KIRREL3: variants seen among roughly 807,000 people sequenced by gnomAD.
The protein encoded by KIRREL3 is kin of IRRE-like protein 3.
In KIRREL3, 36 loss-of-function variants were observed where a neutral mutation model predicts 89.7. The ratio of observed to expected loss-of-function variants is 0.40; its 90% CI spans 0.31 to 0.53. KIRREL3 has a LOEUF of 0.53. KIRREL3 is among the 20% of genes least tolerant of loss of function. KIRREL3 has a pLI of 0.49. For synonymous variants in KIRREL3, 445 were observed against 441.4 expected (o/e 1.01, Z -0.10); for missense variants, 864 against 1,056.6 (o/e 0.82, Z 2.53).
At chr11:126,947,372 A>T (rs150978291) in intron 1 of KIRREL3, among the ~76,000 whole-genome samples, 1 of 152,292 alleles carries the variant, frequency 6.6e-6, no homozygotes, top group African/African-American at 2.4e-5. Flanking sequence ...GATTCCAGAG[A>T]AGCAAACTGT....
chr11:126,934,275 C>T (rs1296029745), intron 1 of KIRREL3, among the ~76,000 whole-genome samples: 1 of 152,130 alleles, frequency 6.6e-6, no homozygotes, highest in Non-Finnish European at 1.5e-5. Flanking sequence ...AAAATATGAA[C>T]TTAGACCCTG....
rs1032177805 is a variant in KIRREL3, at chr11:126,897,491, C to T, written c.55+102964G>A. ...TGGACCTTTGTCACTCACCTGTCAA[C>T]CCCATCTAACACCACCCCCAAAAGG... is the stretch of plus-strand genomic sequence containing the variant. On this transcript the variant is annotated intron_variant, in intron 1 of 16. Transcript: ENST00000525144. This position sits in a 1 kb window ranked among gnomAD's most constrained non-coding sequence, Gnocchi z 4.2. Among the ~76,000 whole-genome samples the T allele has an allele frequency of 1.3e-5, 2 of 152,170 alleles. No individual in the cohort carries two copies. The highest frequency in any genetic ancestry group is 2.4e-5 in the African/African-American group (1 of 41,432).
chr11:126,980,261 C>T (rs1431807549), intron 1 of KIRREL3, among the ~76,000 whole-genome samples: 1 of 152,104 alleles, frequency 6.6e-6, no homozygotes, highest in East Asian at 1.9e-4. Context: ...CTGGTGGAAG[C>T]TTGAAGAGCA....
chr11:126,692,448 G>A (rs1946912507), intron 1 of KIRREL3, among the ~76,000 whole-genome samples: 1 of 150,606 alleles, frequency 6.6e-6, no homozygotes, highest in Non-Finnish European at 1.5e-5. Flanking sequence ...AGGAGGCTGA[G>A]GCAGGAGGAT....
chr11:126,556,735 G>A (rs1939734659), intron 2 of KIRREL3, among the ~76,000 whole-genome samples: 1 of 152,148 alleles, frequency 6.6e-6, no homozygotes, highest in African/African-American at 2.4e-5. Context: ...CTGGAGGAAT[G>A]GGCTGAGAAA....
At chr11:126,595,075 G>A (rs1329846604) in intron 1 of KIRREL3, among the ~76,000 whole-genome samples, 1 of 152,244 alleles carries the variant, frequency 6.6e-6, no homozygotes, top group Non-Finnish European at 1.5e-5. Flanking sequence ...CCATGCAGCT[G>A]TGGGGATGGT....
At position 126,489,641 on chromosome 11, in the gene KIRREL3, T is replaced by C. The variant is rs1456947463; in HGVS notation, c.434-16175A>G. Among the ~76,000 whole-genome samples the C allele has an allele frequency of 2.0e-5, 3 of 152,272 alleles. No individual in the cohort carries two copies. In the South Asian group the frequency reaches 6.2e-4, roughly 32 times the overall value. On this transcript the variant is annotated intron_variant, in intron 4 of 16. Transcript: ENST00000525144. The surrounding 1 kb of genome is among the most constrained non-coding windows in gnomAD (Gnocchi z 5.5). ...GACAGCTGGTGTCCCCTGGCTTTCC[T>C]GAGACCTTGGACGTGCCCCTTCCCC...
rs1212758004 is a variant in KIRREL3 at position 126,997,819 on chromosome 11, A to C, written c.55+2636T>G. 6.6e-6 allele frequency among the ~76,000 whole-genome samples: 1 copy of C among 152,112 alleles called. No homozygotes were observed. ...GTGCCATGCAGATTCCCACTGTGAGATGTGTTGGACAGCAGATGGCCATGT... is the reference window on the plus strand; with the variant it reads ...GTGCCATGCAGATTCCCACTGTGAGCTGTGTTGGACAGCAGATGGCCATGT... On this transcript the variant is annotated intron_variant, in intron 1 of 16. Coordinates refer to ENST00000525144, the MANE Select transcript of KIRREL3 (RefSeq NM_032531.4). This position sits in a 1 kb window ranked among gnomAD's most constrained non-coding sequence, Gnocchi z 4.3.
rs1038223295 is a variant in KIRREL3 at position 126,796,836 on chromosome 11, G to T, written c.55+203619C>A. Among the ~76,000 whole-genome samples the T allele has an allele frequency of 6.6e-6, 1 of 151,962 alleles. No homozygotes were observed. The highest frequency in any genetic ancestry group is 1.5e-5 in the Non-Finnish European group (1 of 67,996). On this transcript the variant is annotated intron_variant, in intron 1 of 16. Transcript: ENST00000525144. The surrounding 1 kb of genome is among the most constrained non-coding windows in gnomAD (Gnocchi z 5.1). Reference sequence around the variant, plus strand: ...CCACCCCTGCTTTTTAAAAATGTTGGTGCTCCAATTAGAGCTGTACCTTAG... The same window carrying T: ...CCACCCCTGCTTTTTAAAAATGTTGTTGCTCCAATTAGAGCTGTACCTTAG...
intron 1 of KIRREL3, among the ~76,000 whole-genome samples, chr11:126,888,993 T>C (rs1945802875): frequency 6.6e-6 from 1 of 152,240 alleles, no homozygotes; most frequent in Admixed American, 6.5e-5. Context: ...CATACTTAGA[T>C]AAATGGTGGA....
In KIRREL3 at chr11:126,995,003, T is replaced by C; in HGVS notation, c.55+5452A>G. 2.8e-6 allele frequency: 1 copy of C among 363,404 alleles called. No homozygotes were observed. The highest frequency in any genetic ancestry group is 5.4e-6 in the Non-Finnish European group (1 of 184,378). 22.5% of individuals were successfully genotyped at this position (363,404 alleles called of 1,614,324 possible). A position where few individuals can be genotyped will look rare whatever the true frequency, so the allele number is the denominator to read the frequency against. On this transcript the variant is annotated intron_variant, in intron 1 of 16. Coordinates refer to ENST00000525144, the MANE Select transcript of KIRREL3 (RefSeq NM_032531.4). The surrounding 1 kb of genome is among the most constrained non-coding windows in gnomAD (Gnocchi z 6.5). ...TGACATGCAATGACGTATGGAACAG[T>C]ACTGTGTCTCGGTGCAGTCGATTCT... is the stretch of plus-strand genomic sequence containing the variant.
At chr11:126,468,071 G>A (rs1022306474) in intron 5 of KIRREL3, among the ~76,000 whole-genome samples, 3 of 152,176 alleles carry the variant, frequency 2.0e-5, no homozygotes, top group South Asian at 2.1e-4. Context: ...ACACAGACAC[G>A]ACTGTGCGTG....
Position 126,918,020 on chromosome 11 carries a change from C to T in KIRREL3, c.55+82435G>A, listed in dbSNP as rs990173235. 6.6e-6 allele frequency among the ~76,000 whole-genome samples: 1 copy of T among 152,158 alleles called. No homozygotes were observed. Among genetic ancestry groups the T allele is most frequent in the African/African-American group, 2.4e-5 (1 of 41,430 alleles). On this transcript the variant is annotated intron_variant, in intron 1 of 16. Transcript: ENST00000525144. This position sits in a 1 kb window ranked among gnomAD's most constrained non-coding sequence, Gnocchi z 6.5. ...CATAAGACTCCACACTGATCTCTGG[C>T]ATGTTTACTGCTGCCTGGGAAACTG...
chr11:126,933,749 T>A (rs1191974791), intron 1 of KIRREL3, among the ~76,000 whole-genome samples: 1 of 143,516 alleles, frequency 7.0e-6, no homozygotes, highest in Non-Finnish European at 1.5e-5. Flanking sequence ...ACAAAAGAAG[T>A]GAAATACTTG....
rs1212778529 is a variant in KIRREL3, at chr11:126,615,612, G to A, written c.56-52700C>T. ...CACTTGGGGGACCTAGTTGTGCCAT[G>A]GCAATAAGTATGGATTGAGTTAGGA... is the stretch of plus-strand genomic sequence containing the variant. On this transcript the variant is annotated intron_variant, in intron 1 of 16. Transcript: ENST00000525144. This position sits in a 1 kb window ranked among gnomAD's most constrained non-coding sequence, Gnocchi z 5.4. 6.6e-6 allele frequency among the ~76,000 whole-genome samples: 1 copy of A among 152,154 alleles called. No individual in the cohort carries two copies. The highest frequency in any genetic ancestry group is 1.5e-5 in the Non-Finnish European group (1 of 68,028).
chr11:126,691,108 C>G (rs1354556819), intron 1 of KIRREL3, among the ~76,000 whole-genome samples: 1 of 152,088 alleles, frequency 6.6e-6, no homozygotes, highest in Non-Finnish European at 1.5e-5. Flanking sequence ...CCAATCTCAC[C>G]CACTCGGCTG....
rs1158337091 is a variant in KIRREL3 at position 126,656,332 on chromosome 11, G to A, written c.56-93420C>T. On this transcript the variant is annotated intron_variant, in intron 1 of 16. Transcript: ENST00000525144. The surrounding 1 kb of genome is among the most constrained non-coding windows in gnomAD (Gnocchi z 4.0). ...CAAAATAATTTAAATAAGATAATAT[G>A]TTGAAAACTCTTAGCACCCAATAAG... Among the ~76,000 whole-genome samples the A allele has an allele frequency of 6.6e-6, 1 of 152,172 alleles. No individual in the cohort carries two copies. The highest frequency in any genetic ancestry group is 1.5e-5 in the Non-Finnish European group (1 of 68,030).
intron 1 of KIRREL3, among the ~76,000 whole-genome samples, chr11:126,785,308 C>T (rs758527025): frequency 3.9e-5 from 6 of 152,090 alleles, no homozygotes; most frequent in Non-Finnish European, 2.9e-5. Context: ...TTATGCATGC[C>T]AAGTCTGACA....
rs148514760 is a variant in KIRREL3, at chr11:126,665,461, G to C, written c.56-102549C>G. ...CATGTGTTGAAATCCTCACCCCCGA[G>C]GTGATGCTATTAGGAGGTGGGGCCT... is the stretch of plus-strand genomic sequence containing the variant. On this transcript the variant is annotated intron_variant, in intron 1 of 16. Coordinates refer to ENST00000525144, the MANE Select transcript of KIRREL3 (RefSeq NM_032531.4). Among the ~76,000 whole-genome samples the C allele has an allele frequency of 5.4e-3, 825 of 152,318 alleles. 6 individuals are homozygous for C. Among genetic ancestry groups the C allele is most frequent in the African/African-American group, 0.019 (796 of 41,576 alleles).
Sources: allele counts gnomAD v4.1 joint callset (sites outside exome capture counted in the v4.1 genomes callset), GRCh38; gene constraint gnomAD v4.1.1; non-coding constraint Gnocchi (gnomAD v3.1); transcripts MANE v1.5; gene names NCBI Gene and HGNC (gene_info 2026-07-23, HGNC 2026-07-21).